SPATA13: variants seen among roughly 807,000 people sequenced by gnomAD.
SPATA13 encodes spermatogenesis-associated protein 13.
SPATA13 carries 50 observed loss-of-function variants against 104.0 expected under a neutral mutation model. The observed-to-expected ratio is 0.48, with a 90% CI of 0.38 to 0.61. SPATA13 has a LOEUF of 0.61. Ranked by LOEUF, SPATA13 falls within the 20% of genes least tolerant of loss-of-function variation. The pLI, the probability that SPATA13 is intolerant of heterozygous loss-of-function variation, is 0.00. For missense variants in SPATA13, 1,524 were observed against 1,690.6 expected (o/e 0.90, Z 1.73); for synonymous variants, 606 against 667.5 (o/e 0.91, Z 1.42).
At chr13:24,027,381 C>T (rs1010881911) in intron 3 of SPATA13, among the ~76,000 whole-genome samples, 1 of 152,118 alleles carries the variant, frequency 6.6e-6, no homozygotes, top group Non-Finnish European at 1.5e-5. Flanking sequence ...GATCCACCCG[C>T]CTCGGCCTCC....
intron 1 of SPATA13, among the ~76,000 whole-genome samples, chr13:24,185,737 A>G (rs1266025095): frequency 1.6e-5 from 2 of 123,848 alleles, no homozygotes; most frequent in African/African-American, 5.5e-5. Flanking sequence ...TTTTTTTTTC[A>G]TGAGCCCTGT....
intron 1 of SPATA13, among the ~76,000 whole-genome samples, chr13:24,194,777 G>A (rs1869958393): frequency 6.6e-6 from 1 of 152,120 alleles, no homozygotes; most frequent in Non-Finnish European, 1.5e-5. Context: ...CTCACTTGTC[G>A]GAATTTAATC....
intron 3 of SPATA13, among the ~76,000 whole-genome samples, chr13:24,058,461 GTGATTAC>G (rs759413667): frequency 1.3e-5 from 2 of 151,838 alleles, no homozygotes; most frequent in Non-Finnish European, 2.9e-5. Context: ...TTTGCCTTGG[GTGATTAC>G]TGTATACGGG....
chr13:24,098,502 T>G (rs1379222993), intron 3 of SPATA13, among the ~76,000 whole-genome samples: 1 of 149,836 alleles, frequency 6.7e-6, no homozygotes, highest in African/African-American at 2.5e-5. Context: ...GAGGCTAAAG[T>G]GGGAGGATCA....
chr13:24,288,267 C>T (rs1259303416), intron 7 of SPATA13, among the ~76,000 whole-genome samples: 1 of 152,098 alleles, frequency 6.6e-6, no homozygotes, highest in African/African-American at 2.4e-5. Context: ...GGCAGTCTGC[C>T]CCAGAACCTA....
chr13:24,284,073 T>C, intron 4 of SPATA13, 62 bp from the exon 5 acceptor site: 1 of 1,547,734 alleles, frequency 6.5e-7, no homozygotes, highest in Non-Finnish European at 8.8e-7. Context: ...AATTTTTTCA[T>C]CATATGAAAA....
intron 3 of SPATA13, among the ~76,000 whole-genome samples, chr13:24,025,805 CTTTCTTTCTTTTT>C (rs1276610919): frequency 9.4e-6 from 1 of 106,636 alleles, no homozygotes; most frequent in Non-Finnish European, 1.9e-5. Flanking sequence ...TTCTTTCTTT[CTTTCTTTCTTTTT>C]TTTTTTTTTG....
intron 4 of SPATA13, among the ~76,000 whole-genome samples, chr13:24,267,518 A>C (rs187501570): frequency 1.2e-3 from 177 of 152,350 alleles, no homozygotes; most frequent in African/African-American, 3.3e-3. Flanking sequence ...CTTGTACCGG[A>C]TGCCGATGAA....
At chr13:24,025,505 A>T (rs1316019684) in intron 3 of SPATA13, among the ~76,000 whole-genome samples, 1 of 152,188 alleles carries the variant, frequency 6.6e-6, no homozygotes, top group Non-Finnish European at 1.5e-5. Flanking sequence ...GCTGGGTCAT[A>T]GTGTAATTAT....
At chr13:24,232,309 A>G (rs1184391520) in intron 2 of SPATA13, among the ~76,000 whole-genome samples, 2 of 152,228 alleles carry the variant, frequency 1.3e-5, no homozygotes, top group Non-Finnish European at 2.9e-5. Context: ...CTTTTGTCCT[A>G]TTTGACACCT....
chr13:24,015,700 G>A (rs1345484573), intron 2 of SPATA13, among the ~76,000 whole-genome samples: 1 of 151,430 alleles, frequency 6.6e-6, no homozygotes, highest in African/African-American at 2.4e-5. Flanking sequence ...GACACCCCCG[G>A]CCTTCCTGAT....
intron 2 of SPATA13, among the ~76,000 whole-genome samples, chr13:24,010,109 AG>A (rs1566070987): frequency 1.3e-5 from 2 of 152,276 alleles, no homozygotes; most frequent in Non-Finnish European, 2.9e-5. Flanking sequence ...CGAAGTGGGG[AG>A]GGGGCTTCCA....
intron 3 of SPATA13, chr13:24,122,205 G>A (rs1313419492): frequency 6.8e-7 from 1 of 1,466,898 alleles, no homozygotes; most frequent in African/African-American, 1.4e-5. Context: ...GCTATATACT[G>A]TAACTGTTTT....
In SPATA13 at chr13:24,286,859, G is replaced by T; in HGVS notation, c.2576G>T (p.Cys859Phe). ...EEASQSRHRH[C>F]ENKQQMRTNV... is the part of the protein sequence containing the mutation. ...GCCAGCCAGAGCCGCCACAGACACT[G>T]TGAGAACAAGCAGCAGATGCGGACC... The change falls in exon 7 of 13, where the codon TGT becomes TTT. Residue 859 changes from cysteine to phenylalanine, a missense_variant. Cys to Phe is a radical substitution (Grantham distance 205, BLOSUM62 -2). Coordinates refer to ENST00000382108, the MANE Select transcript of SPATA13 (RefSeq NM_001166271.3). The surrounding 1 kb of genome is among the most constrained non-coding windows in gnomAD (Gnocchi z 4.9). 6.2e-7 allele frequency: 1 copy of T among 1,613,900 alleles called. No homozygotes were observed. The highest frequency in any genetic ancestry group is 1.1e-5 in the South Asian group (1 of 91,082).
chr13:23,982,015 T>TA (rs1210593489), intron 1 of SPATA13, among the ~76,000 whole-genome samples: 28 of 152,364 alleles, frequency 1.8e-4, no homozygotes, highest in African/African-American at 6.0e-4. Context: ...TCCTGGGAAG[T>TA]AAATGAGAAA....
At chr13:24,283,574 TTCTC>T (rs1353936028) in intron 4 of SPATA13, among the ~76,000 whole-genome samples, 1 of 152,228 alleles carries the variant, frequency 6.6e-6, no homozygotes, top group Non-Finnish European at 1.5e-5. Context: ...TAAAAGATCT[TTCTC>T]TCTCTTTTCT....
chr13:24,235,666 A>G (rs1386867491), intron 2 of SPATA13, among the ~76,000 whole-genome samples: 1 of 152,132 alleles, frequency 6.6e-6, no homozygotes, highest in Non-Finnish European at 1.5e-5. Context: ...CCAAGGTGGG[A>G]GGATTGCTGG....
chr13:23,996,930 C>A (rs1875724116), intron 2 of SPATA13, among the ~76,000 whole-genome samples: 1 of 152,166 alleles, frequency 6.6e-6, no homozygotes, highest in Admixed American at 6.5e-5. Context: ...CCTCTCAGAT[C>A]ATCTTGGAGG....
chr13:24,274,735 C>T (rs1012590499), intron 4 of SPATA13, among the ~76,000 whole-genome samples: 1 of 152,218 alleles, frequency 6.6e-6, no homozygotes, highest in African/African-American at 2.4e-5. Flanking sequence ...AAGAGGTTTT[C>T]TCAAATACAT....
Sources: gnomAD v4.1 joint callset for allele counts (sites outside exome capture counted in the v4.1 genomes callset) on GRCh38, gnomAD v4.1.1 for gene constraint, Gnocchi (gnomAD v3.1) non-coding constraint, MANE v1.5 for transcripts, NCBI Gene and HGNC (gene_info 2026-07-23, HGNC 2026-07-21) for gene names.